Variants in TBC1D15 observed in about 807,000 individuals in gnomAD.
The protein encoded by TBC1D15 is TBC1 domain family member 15, also known as GAP for RAB7.
TBC1D15 carries 39 observed loss-of-function variants against 95.4 expected under a neutral mutation model. The observed-to-expected ratio is 0.41, with a 90% CI of 0.32 to 0.53. TBC1D15 has a LOEUF of 0.53. TBC1D15 is among the 20% of genes least tolerant of loss of function. The probability of loss-of-function intolerance (pLI) is 0.29; values close to 1 mark genes in which losing one functional copy is unlikely to be tolerated. For missense variants in TBC1D15, 733 were observed against 794.3 expected (o/e 0.92, Z 0.93); for synonymous variants, 258 against 261.3 (o/e 0.99, Z 0.12).
intron 1 of TBC1D15, chr12:71,854,417 C>G: frequency 4.4e-5 from 16 of 363,754 alleles, no homozygotes; most frequent in South Asian, 3.2e-4. Flanking sequence ...CTTTTTTCCC[C>G]TTCAATCGTA....
At chr12:71,867,703 G>A (rs1376489831) in intron 1 of TBC1D15, among the ~76,000 whole-genome samples, 2 of 152,098 alleles carry the variant, frequency 1.3e-5, no homozygotes, top group African/African-American at 2.4e-5. Context: ...TGCCCAGGCT[G>A]GTCTGGAACT....
intron 12 of TBC1D15, among the ~76,000 whole-genome samples, 199 bp from the exon 13 acceptor site, chr12:71,917,499 G>A (rs1361795808): frequency 1.3e-5 from 2 of 152,094 alleles, no homozygotes; most frequent in Admixed American, 6.6e-5. Context: ...ATAATCCTTA[G>A]TTTTGAGAGC....
chr12:71,857,759 T>C (rs1005187776), intron 1 of TBC1D15, among the ~76,000 whole-genome samples: 12 of 152,230 alleles, frequency 7.9e-5, no homozygotes, highest in African/African-American at 2.4e-4. Flanking sequence ...AATTATATCA[T>C]GTGATAGTGC....
At position 71,894,819 on chromosome 12, in the gene TBC1D15, G is replaced by A. The variant is rs751556997; in HGVS notation, c.791G>A (p.Ser264Asn). The A allele has an allele frequency of 1.9e-6, 3 of 1,613,098 alleles. No homozygotes were observed. The African/African-American group carries it at 4.0e-5, about 22-fold the overall frequency. The stretch of plus-strand genomic sequence containing the variant: ...CCTTCAGAAATGGCAGATTTTCTTA[G>A]TGATGCTATTCCAGGTCTAAAGATA... Reference protein sequence around the residue: ...RPPSEMADFLSDAIPGLKINQ... With the variant: ...RPPSEMADFLNDAIPGLKINQ... Residue 264 changes from serine to asparagine, a missense_variant, in exon 7 of 17, where the codon AGT (serine) becomes AAT (asparagine). Coordinates refer to ENST00000485960, the MANE Select transcript of TBC1D15 (RefSeq NM_001146213.3).
At chr12:71,905,915 C>G (rs1900580949) in intron 10 of TBC1D15, among the ~76,000 whole-genome samples, 1 of 152,002 alleles carries the variant, frequency 6.6e-6, no homozygotes, top group African/African-American at 2.4e-5. Context: ...CTCTGTGACC[C>G]ATGCTAGAGT....
rs1868692833 is a variant in TBC1D15 at position 71,920,108 on chromosome 12, G to T, written c.1600-623G>T. Among the ~76,000 whole-genome samples, 3 of 152,070 alleles carry T rather than the reference G, an allele frequency of 2.0e-5. No individual in the cohort carries two copies. In the South Asian group the frequency reaches 6.2e-4, roughly 32 times the overall value. ...ATATATTATTAGGTACATGAAGCAG[G>T]GGGAAATTAAGACCCTAAATTCGAG... On this transcript the variant is annotated intron_variant, in intron 14 of 16. Coordinates refer to ENST00000485960, the MANE Select transcript of TBC1D15 (RefSeq NM_001146213.3).
chr12:71,848,347 A>G (rs1299230635), intron 1 of TBC1D15, among the ~76,000 whole-genome samples: 1 of 152,174 alleles, frequency 6.6e-6, no homozygotes, highest in African/African-American at 2.4e-5. Flanking sequence ...ATTTTTGCCC[A>G]TATTTAATGT....
At chr12:71,879,855 G>T (rs1894777649) in intron 3 of TBC1D15, among the ~76,000 whole-genome samples, 1 of 152,242 alleles carries the variant, frequency 6.6e-6, no homozygotes, top group East Asian at 1.9e-4. Flanking sequence ...TGTTGTAGTT[G>T]TGCTATCTTT....
chr12:71,894,932 C>CT, intron 7 of TBC1D15, 49 bp downstream of exon 7: 1 of 1,533,822 alleles, frequency 6.5e-7, no homozygotes, highest in South Asian at 1.2e-5. Flanking sequence ...AACAGGAGAA[C>CT]ATGTACTATA....
At chr12:71,883,900 A>G (rs1310190851) in intron 4 of TBC1D15, among the ~76,000 whole-genome samples, 1 of 152,144 alleles carries the variant, frequency 6.6e-6, no homozygotes, top group African/African-American at 2.4e-5. Context: ...TTTTTTATTT[A>G]AATTGTTGAG....
intron 1 of TBC1D15, among the ~76,000 whole-genome samples, chr12:71,855,207 G>A (rs1888754412): frequency 1.3e-5 from 2 of 152,178 alleles, no homozygotes; most frequent in South Asian, 4.2e-4. Flanking sequence ...CCTGAGAACA[G>A]CATGGGGGAA....
intron 10 of TBC1D15, among the ~76,000 whole-genome samples, chr12:71,898,768 C>A (rs1027008812): frequency 1.3e-5 from 2 of 152,172 alleles, no homozygotes; most frequent in Admixed American, 1.3e-4. Context: ...TGTTAACACC[C>A]TCCCATGAAA....
At chr12:71,846,755 C>CTTTTTTTTT (rs10651326) in intron 1 of TBC1D15, among the ~76,000 whole-genome samples, 1 of 111,188 alleles carries the variant, frequency 9.0e-6, no homozygotes, top group Non-Finnish European at 1.8e-5. Context: ...TTTTATACAG[C>CTTTTTTTTT]TTTTTTTTTT....
intron 1 of TBC1D15, among the ~76,000 whole-genome samples, chr12:71,863,688 G>T (rs892282952): frequency 5.3e-5 from 8 of 152,036 alleles, no homozygotes; most frequent in African/African-American, 1.9e-4. Context: ...TTGCTTAATG[G>T]TGTCCCATAA....
chr12:71,871,030 C>T (rs546031334), intron 1 of TBC1D15, among the ~76,000 whole-genome samples: 1 of 152,114 alleles, frequency 6.6e-6, no homozygotes, highest in African/African-American at 2.4e-5. Context: ...GTTCTTAGGT[C>T]TAGAAGTGAC....
At chr12:71,921,797 A>G (rs1449643759) in intron 16 of TBC1D15, among the ~76,000 whole-genome samples, 1 of 152,264 alleles carries the variant, frequency 6.6e-6, no homozygotes, top group African/African-American at 2.4e-5. Context: ...CTAAACAAAA[A>G]TGAATGCTAA....
chr12:71,897,335 A>G (rs1898399954), intron 9 of TBC1D15: 1 of 155,058 alleles, frequency 6.4e-6, no homozygotes, highest in Non-Finnish European at 1.4e-5. Flanking sequence ...ATTTAAAGCT[A>G]TTTTCAGTCA....
chr12:71,912,513 G>T (rs1480545689), intron 11 of TBC1D15, among the ~76,000 whole-genome samples: 1 of 152,102 alleles, frequency 6.6e-6, no homozygotes, highest in East Asian at 1.9e-4. Flanking sequence ...AGATTCTGAG[G>T]TGATCTGAGT....
At chr12:71,890,711 T>C (rs1478972566) in intron 5 of TBC1D15, among the ~76,000 whole-genome samples, 3 of 152,188 alleles carry the variant, frequency 2.0e-5, no homozygotes, top group African/African-American at 7.2e-5. Flanking sequence ...ATCTAGTCAG[T>C]GCAACATAGG....
Sources: gnomAD v4.1 joint callset for allele counts (sites outside exome capture counted in the v4.1 genomes callset) on GRCh38, gnomAD v4.1.1 for gene constraint, MANE v1.5 for transcripts, NCBI Gene and HGNC (gene_info 2026-07-23, HGNC 2026-07-21) for gene names.